ASTN2: variants seen among roughly 807,000 people sequenced by gnomAD.
The protein encoded by ASTN2 is astrotactin 2.
A neutral mutation model predicts 139.8 loss-of-function variants in ASTN2; 54 were observed. That is an observed-to-expected ratio of 0.39 (90% confidence interval 0.31 to 0.48). ASTN2 has a LOEUF of 0.48. ASTN2 is among the 20% of genes least tolerant of loss of function. ASTN2 has a pLI of 0.95. For missense variants in ASTN2, 1,565 were observed against 1,725.1 expected (o/e 0.91, Z 1.64); for synonymous variants, 756 against 719.5 (o/e 1.05, Z -0.81).
intron 10 of ASTN2, among the ~76,000 whole-genome samples, chr9:116,938,046 C>T (rs986174086): frequency 2.0e-5 from 3 of 152,112 alleles, no homozygotes; most frequent in Non-Finnish European, 2.9e-5. Context: ...AACAAGCACG[C>T]GAGGTTTAAG....
At position 117,384,334 on chromosome 9, in the gene ASTN2, C is replaced by T. The variant is rs143777087; in HGVS notation, c.442+30163G>A. Among the ~76,000 whole-genome samples the T allele has an allele frequency of 4.6e-5, 7 of 152,242 alleles. No individual in the cohort carries two copies. The East Asian group carries it at 9.7e-4, about 21-fold the overall frequency. The stretch of plus-strand genomic sequence containing the variant: ...TGGGATGTTGATTCAAAGACAAAAG[C>T]GAAACCCAAGATAACCTTCACCTGA... On this transcript the variant is annotated intron_variant, in intron 1 of 22. Coordinates refer to ENST00000313400, the MANE Select transcript of ASTN2 (RefSeq NM_001365068.1).
intron 19 of ASTN2, chr9:116,543,741 CAT>C (rs1564357964): frequency 6.6e-6 from 1 of 152,126 alleles, no homozygotes; most frequent in Non-Finnish European, 1.5e-5. Context: ...GTTTTCCTCT[CAT>C]GTGAATTTGG....
chr9:116,554,439 T>C (rs1020565065), intron 19 of ASTN2, among the ~76,000 whole-genome samples: 3 of 152,196 alleles, frequency 2.0e-5, no homozygotes, highest in Non-Finnish European at 4.4e-5. Flanking sequence ...AATCATTCTA[T>C]TGTGTTACAT....
chr9:117,291,231 C>T (rs373801585), intron 2 of ASTN2, 95 bp downstream of exon 2: 3 of 1,472,668 alleles, frequency 2.0e-6, no homozygotes, highest in African/African-American at 2.8e-5. Flanking sequence ...TGGTTCTTTC[C>T]TTCCATCTGT....
intron 1 of ASTN2, among the ~76,000 whole-genome samples, chr9:117,310,544 G>A (rs1185306095): frequency 6.6e-6 from 1 of 152,134 alleles, no homozygotes; most frequent in Non-Finnish European, 1.5e-5. Flanking sequence ...CCCCAACCAA[G>A]AGCAGCCCTT....
At chr9:116,565,411 ATATATATATATATATATATT>A (rs1853169222) in intron 19 of ASTN2, among the ~76,000 whole-genome samples, 1 of 105,746 alleles carries the variant, frequency 9.5e-6, no homozygotes, top group Non-Finnish European at 1.9e-5. Context: ...ATATATATAT[ATATATATATATATATATATT>A]TATTTATTTA....
At chr9:116,629,112 CTTTTTTTTTTTTTT>C (rs57200909) in intron 17 of ASTN2, among the ~76,000 whole-genome samples, 3 of 100,490 alleles carry the variant, frequency 3.0e-5, no homozygotes, top group African/African-American at 4.4e-5. Flanking sequence ...TCCAGTAACT[CTTTTTTTTTTTTTT>C]TTTTTTTTTG....
At chr9:116,951,725 A>C (rs1249799368) in intron 10 of ASTN2, among the ~76,000 whole-genome samples, 1 of 152,208 alleles carries the variant, frequency 6.6e-6, no homozygotes, top group Non-Finnish European at 1.5e-5. Flanking sequence ...AATCACCAGC[A>C]AGTTATCTAT....
intron 13 of ASTN2, among the ~76,000 whole-genome samples, chr9:116,752,975 C>G (rs1829437431): frequency 6.6e-6 from 1 of 152,208 alleles, no homozygotes; most frequent in Admixed American, 6.5e-5. Context: ...AAAAGCTAAA[C>G]AGTCTTACCA....
chr9:117,364,509 T>G (rs1246012405), intron 1 of ASTN2, among the ~76,000 whole-genome samples: 2 of 152,180 alleles, frequency 1.3e-5, no homozygotes, highest in African/African-American at 4.8e-5. Context: ...AAAGCAGGCA[T>G]GATTTACTTA....
At chr9:116,442,362 C>T (rs577981675) in intron 21 of ASTN2, 91 bp downstream of exon 21, 15 of 971,072 alleles carry the variant, frequency 1.5e-5, no homozygotes, top group African/African-American at 4.8e-5. Flanking sequence ...TCAGGGTGTG[C>T]GTGTGTGTGT....
At chr9:116,982,550 A>ATT (rs3038404) in intron 7 of ASTN2, among the ~76,000 whole-genome samples, 29 of 150,566 alleles carry the variant, frequency 1.9e-4, no homozygotes, top group Admixed American at 8.6e-4. Flanking sequence ...GTAATTTGGG[A>ATT]TTTTTTTTTT....
At chr9:117,320,107 G>A (rs998025643) in intron 1 of ASTN2, among the ~76,000 whole-genome samples, 1 of 152,208 alleles carries the variant, frequency 6.6e-6, no homozygotes, top group Non-Finnish European at 1.5e-5. Flanking sequence ...TCAGTAGTGA[G>A]GAGAGGCATT....
At chr9:116,732,241 C>T (rs945912619) in intron 14 of ASTN2, among the ~76,000 whole-genome samples, 4 of 152,156 alleles carry the variant, frequency 2.6e-5, no homozygotes, top group Non-Finnish European at 5.9e-5. Context: ...CATGTCCTTG[C>T]TAACAAGTTT....
Position 116,699,297 on chromosome 9 carries a change from G to T in ASTN2, c.2806+26474C>A. The T allele has an allele frequency of 6.2e-7, 1 of 1,614,198 alleles. No homozygotes were observed. Among genetic ancestry groups the T allele is most frequent in the Non-Finnish European group, 8.5e-7 (1 of 1,180,046 alleles). ...ATGTAGTGCTGTGCGGCCCAAATTT[G>T]TCACCTGTGATGCTGAGGGCACCGT... On this transcript the variant is annotated intron_variant, in intron 16 of 22. Coordinates refer to ENST00000313400, the MANE Select transcript of ASTN2 (RefSeq NM_001365068.1). This position sits in a 1 kb window ranked among gnomAD's most constrained non-coding sequence, Gnocchi z 4.2.
rs756710806 is a variant in ASTN2 at position 116,698,659 on chromosome 9, C to A, written c.2806+27112G>T. The A allele has an allele frequency of 6.2e-7, 1 of 1,614,130 alleles. No homozygotes were observed. Among genetic ancestry groups the A allele is most frequent in the Admixed American group, 1.7e-5 (1 of 60,016 alleles). On this transcript the variant is annotated intron_variant, in intron 16 of 22. Coordinates refer to ENST00000313400, the MANE Select transcript of ASTN2 (RefSeq NM_001365068.1). This position sits in a 1 kb window ranked among gnomAD's most constrained non-coding sequence, Gnocchi z 4.4. ...CCCCGGACAGTTAACGTGGAAGATT[C>A]CTGGGCCATGGAGGCCACAGCGTCT...
chr9:116,857,353 A>T (rs571466392), intron 11 of ASTN2, among the ~76,000 whole-genome samples: 2 of 152,142 alleles, frequency 1.3e-5, no homozygotes. Flanking sequence ...ATTCACACCA[A>T]TCCTCTTAGA....
rs1464408478 is a variant in ASTN2, at chr9:116,425,363, A to G, written c.*488T>C. On this transcript the variant is annotated 3_prime_UTR_variant, in exon 23 of 23. Transcript: ENST00000313400. ...AAGAGAGAGAAGTCCTTAAAGACCCATGCTTCCTCACTGCAACCATCCTCA... is the reference window on the plus strand; with the variant it reads ...AAGAGAGAGAAGTCCTTAAAGACCCGTGCTTCCTCACTGCAACCATCCTCA... 3.4e-6 allele frequency: 2 copies of G among 594,642 alleles called. No individual in the cohort carries two copies. Among genetic ancestry groups the G allele is most frequent in the Admixed American group, 3.3e-5 (1 of 29,948 alleles). 36.8% of individuals were successfully genotyped at this position (594,642 alleles called of 1,614,324 possible). A position where few individuals can be genotyped will look rare whatever the true frequency, so the allele number is the denominator to read the frequency against.
intron 17 of ASTN2, among the ~76,000 whole-genome samples, chr9:116,631,371 A>G (rs1459000695): frequency 2.6e-5 from 4 of 152,216 alleles, no homozygotes; most frequent in Non-Finnish European, 5.9e-5. Flanking sequence ...TATACAATGG[A>G]GCATTATTCA....
Sources: gnomAD v4.1 joint callset for allele counts (sites outside exome capture counted in the v4.1 genomes callset) on GRCh38, gnomAD v4.1.1 for gene constraint, Gnocchi (gnomAD v3.1) non-coding constraint, MANE v1.5 for transcripts, NCBI Gene and HGNC (gene_info 2026-07-23, HGNC 2026-07-21) for gene names.